The following TMEM45A variants were observed in gnomAD, a reference collection of about 807,000 sequenced individuals.
The protein encoded by TMEM45A is DNA polymerase-transactivated protein 4.
Under a neutral mutation model 32.0 loss-of-function variants are expected in TMEM45A, and 25 were observed. That is an observed-to-expected ratio of 0.78 (90% CI 0.57 to 1.09). The LOEUF is 1.09. TMEM45A is among the 50% of genes least tolerant of loss of function. The pLI, the probability that TMEM45A is intolerant of heterozygous loss-of-function variation, is 0.00. For missense variants in TMEM45A, 302 were observed against 325.0 expected, an observed-to-expected ratio of 0.93 and a Z score of 0.54; for synonymous variants, 122 against 114.8, an observed-to-expected ratio of 1.06 and a Z score of -0.40.
chr3:100,542,193 G>T (rs1329642353), intron 1 of TMEM45A, among the ~76,000 whole-genome samples: 2 of 152,168 alleles, frequency 1.3e-5, no homozygotes, highest in Non-Finnish European at 2.9e-5. Flanking sequence ...TGTAAAAAAT[G>T]ACCTTGGTAG....
rs928632507 is a variant in TMEM45A, at chr3:100,569,058, A to T, written c.734+91A>T. The T allele has an allele frequency of 1.2e-5, 16 of 1,289,564 alleles. No homozygotes were observed. In the African/African-American group the frequency reaches 2.4e-4, roughly 19 times the overall value. The allele number at this position is 1,289,564 out of a possible 1,614,324, so 79.9% of individuals were successfully genotyped here. On this transcript the variant is annotated intron_variant, in intron 5 of 5. Transcript: ENST00000323523. ...TATTGAATTTAAAATTCAAAAGGGT[A>T]TTTCATTCCTTATCATCCCATAAGA...
chr3:100,519,544 C>T (rs921760333), intron 1 of TMEM45A: 1 of 1,550,678 alleles, frequency 6.4e-7, no homozygotes. Context: ...TCTAACGTGC[C>T]TGATCTACTG....
At chr3:100,508,227 G>A (rs558945544) in intron 1 of TMEM45A, among the ~76,000 whole-genome samples, 19 of 152,194 alleles carry the variant, frequency 1.2e-4, no homozygotes, top group South Asian at 8.3e-4. Flanking sequence ...GAGCCCACAC[G>A]ATGGCATTGT....
chr3:100,523,863 CAG>C (rs1161030693), intron 1 of TMEM45A, among the ~76,000 whole-genome samples: 1 of 151,808 alleles, frequency 6.6e-6, no homozygotes, highest in Non-Finnish European at 1.5e-5. Context: ...CCTTTTTGAA[CAG>C]AGTTATCTGG....
At chr3:100,572,483 G>A (rs1706585343) in intron 5 of TMEM45A, 1 of 151,226 alleles carries the variant, frequency 6.6e-6, no homozygotes. Flanking sequence ...TGAGTTCATT[G>A]TAGATTCTGG....
intron 5 of TMEM45A, chr3:100,570,821 C>T (rs1172891078): frequency 6.6e-6 from 1 of 152,206 alleles, no homozygotes; most frequent in Admixed American, 6.5e-5. Flanking sequence ...ATTTTCCAAC[C>T]TTCCCCTCTA....
At chr3:100,518,377 A>G (rs1363557735) in intron 1 of TMEM45A, among the ~76,000 whole-genome samples, 1 of 152,198 alleles carries the variant, frequency 6.6e-6, no homozygotes, top group Non-Finnish European at 1.5e-5. Context: ...CTTTAACAGA[A>G]GGTTTGCAGA....
At chr3:100,505,123 A>C (rs1289411136) in intron 1 of TMEM45A, among the ~76,000 whole-genome samples, 2 of 152,244 alleles carry the variant, frequency 1.3e-5, no homozygotes, top group East Asian at 3.9e-4. Flanking sequence ...TGGTTATTTA[A>C]TGACTGAGGG....
At chr3:100,499,878 A>G (rs954017613) in intron 1 of TMEM45A, among the ~76,000 whole-genome samples, 4 of 152,140 alleles carry the variant, frequency 2.6e-5, no homozygotes, top group African/African-American at 9.7e-5. Context: ...AAACAAACCA[A>G]CCAACCCCTA....
chr3:100,558,614 T>C, intron 4 of TMEM45A, 25 bp downstream of exon 4: 1 of 1,604,322 alleles, frequency 6.2e-7, no homozygotes, highest in Non-Finnish European at 8.5e-7. Context: ...CTAGTTAATG[T>C]ACCTGGACTC....
At position 100,575,363 on chromosome 3, in the gene TMEM45A, CTTTTT is replaced by C. The variant is rs59739893; in HGVS notation, c.735-1539_735-1535del. 2.1e-4 allele frequency among the ~76,000 whole-genome samples: 13 copies of C among 62,762 alleles called. 1 individual carries two copies. Among genetic ancestry groups the C allele is most frequent in the African/African-American group, 5.4e-4 (10 of 18,632 alleles). 41.2% of individuals were successfully genotyped at this position (62,762 alleles called of 152,430 possible). On this transcript the variant is annotated intron_variant, in intron 5 of 5. Coordinates refer to ENST00000323523, the MANE Select transcript of TMEM45A (RefSeq NM_018004.3). The stretch of plus-strand genomic sequence containing the variant: ...TGCTTCCCCCAGGCCTATGGATTCT[CTTTTT>C]TTTTTTTTTTTTTTTTTTTTTTGAG...
intron 1 of TMEM45A, among the ~76,000 whole-genome samples, chr3:100,525,269 G>T (rs1705520182): frequency 6.6e-6 from 1 of 151,936 alleles, no homozygotes; most frequent in African/African-American, 2.4e-5. Context: ...ATATTTAAAT[G>T]ACAACATTTT....
chr3:100,567,159 T>C (rs1047290197), intron 4 of TMEM45A, among the ~76,000 whole-genome samples: 14 of 151,856 alleles, frequency 9.2e-5, no homozygotes, highest in Admixed American at 5.9e-4. Context: ...ATTTTATATA[T>C]ATATAATTTT....
intron 5 of TMEM45A, among the ~76,000 whole-genome samples, chr3:100,569,291 C>T (rs1266965346): frequency 6.6e-6 from 1 of 152,184 alleles, no homozygotes; most frequent in Non-Finnish European, 1.5e-5. Context: ...CCTGCACTGC[C>T]TATAGTGAGT....
At chr3:100,533,306 G>A (rs926524792) in intron 1 of TMEM45A, among the ~76,000 whole-genome samples, 4 of 152,106 alleles carry the variant, frequency 2.6e-5, no homozygotes, top group African/African-American at 9.7e-5. Context: ...TCTGGGTTGG[G>A]ATCAGATACC....
chr3:100,573,317 A>G (rs1438798679), intron 5 of TMEM45A: 2 of 151,784 alleles, frequency 1.3e-5, no homozygotes, highest in Admixed American at 6.6e-5. Context: ...GGTCCTTCAC[A>G]TCCCTTGTAA....
chr3:100,501,898 T>A (rs1708012669), intron 1 of TMEM45A, among the ~76,000 whole-genome samples: 3 of 152,142 alleles, frequency 2.0e-5, no homozygotes, highest in Admixed American at 1.3e-4. Flanking sequence ...GGACTCAGAG[T>A]TGACCACTAA....
chr3:100,514,725 C>T lies in TMEM45A; in HGVS notation c.-4+21797C>T, dbSNP rs1708231040. Among the ~76,000 whole-genome samples the T allele has an allele frequency of 2.0e-5, 3 of 152,126 alleles. No individual in the cohort carries two copies. In the South Asian group the frequency reaches 6.2e-4, roughly 32 times the overall value. ...TGGGAGAAAATGTTCGCAACCTACT[C>T]ATCTGACAAAGGGCAAATATCCAGA... On this transcript the variant is annotated intron_variant, in intron 1 of 5. Coordinates refer to ENST00000323523, the MANE Select transcript of TMEM45A (RefSeq NM_018004.3).
chr3:100,536,323 C>T (rs549592459), intron 1 of TMEM45A, among the ~76,000 whole-genome samples: 155 of 152,216 alleles, frequency 1.0e-3, no homozygotes, highest in Middle Eastern at 3.4e-3. Flanking sequence ...GTCTAGGTGG[C>T]CCATGAGAGT....
Sources: allele counts gnomAD v4.1 joint callset (sites outside exome capture counted in the v4.1 genomes callset), GRCh38; gene constraint gnomAD v4.1.1; transcripts MANE v1.5; gene names NCBI Gene and HGNC (gene_info 2026-07-23, HGNC 2026-07-21).